TMEM132C: variants seen among roughly 807,000 people sequenced by gnomAD.
The protein encoded by TMEM132C is protein phosphatase 1, regulatory subunit 152.
Under a neutral mutation model 61.4 loss-of-function variants are expected in TMEM132C, and 29 were observed. That is an observed-to-expected ratio of 0.47 (90% CI 0.35 to 0.64). TMEM132C has a LOEUF of 0.64. TMEM132C is among the 30% of genes least tolerant of loss of function. The pLI is 0.00. For synonymous variants in TMEM132C, 656 were observed against 633.1 expected, an observed-to-expected ratio of 1.04 and a Z score of -0.54; for missense variants, 1,408 against 1,476.9, an observed-to-expected ratio of 0.95 and a Z score of 0.76.
At chr12:128,622,617 C>G (rs1490814534) in intron 4 of TMEM132C, among the ~76,000 whole-genome samples, 4 of 151,664 alleles carry the variant, frequency 2.6e-5, no homozygotes, top group Non-Finnish European at 5.9e-5. Flanking sequence ...TGCAGAGATG[C>G]TATCGGATCT....
At chr12:128,305,807 G>T (rs528950508) in intron 1 of TMEM132C, among the ~76,000 whole-genome samples, 1 of 152,130 alleles carries the variant, frequency 6.6e-6, no homozygotes, top group Non-Finnish European at 1.5e-5. Context: ...TTTGAAGATG[G>T]TGCTGATTGC....
At chr12:128,397,947 A>G (rs1190199984) in intron 1 of TMEM132C, among the ~76,000 whole-genome samples, 1 of 152,192 alleles carries the variant, frequency 6.6e-6, no homozygotes, top group Admixed American at 6.5e-5. Context: ...GGTACAGACA[A>G]GCCTCTTAGT....
intron 2 of TMEM132C, among the ~76,000 whole-genome samples, chr12:128,451,002 T>C (rs1323092710): frequency 1.3e-5 from 2 of 152,220 alleles, no homozygotes; most frequent in African/African-American, 4.8e-5. Context: ...AAAGCATGAA[T>C]ATTCATGATG....
intron 1 of TMEM132C, chr12:128,399,905 G>C (rs1162821452): frequency 6.6e-6 from 1 of 152,186 alleles, no homozygotes; most frequent in East Asian, 1.9e-4. Context: ...AACACAGAAA[G>C]AGTCATTTGT....
intron 1 of TMEM132C, among the ~76,000 whole-genome samples, chr12:128,365,107 T>C (rs1180842717): frequency 6.6e-6 from 1 of 152,120 alleles, no homozygotes; most frequent in Non-Finnish European, 1.5e-5. Flanking sequence ...CCAGGAGGGT[T>C]TGAATTGTGA....
At chr12:128,393,231 G>C (rs182681143) in intron 1 of TMEM132C, among the ~76,000 whole-genome samples, 36 of 152,256 alleles carry the variant, frequency 2.4e-4, no homozygotes, top group Non-Finnish European at 7.3e-5. Context: ...TGCCCCCCTT[G>C]CTCACTTGCA....
intron 1 of TMEM132C, among the ~76,000 whole-genome samples, chr12:128,379,030 T>C (rs1315064919): frequency 6.6e-6 from 1 of 152,226 alleles, no homozygotes; most frequent in Non-Finnish European, 1.5e-5. Flanking sequence ...CTCAGCCATA[T>C]GGAACTGTGA....
At chr12:128,325,755 C>G (rs1872489716) in intron 1 of TMEM132C, among the ~76,000 whole-genome samples, 1 of 152,116 alleles carries the variant, frequency 6.6e-6, no homozygotes, top group South Asian at 2.1e-4. Context: ...CTGGTGCTCC[C>G]CCAGTTGGAT....
intron 5 of TMEM132C, among the ~76,000 whole-genome samples, chr12:128,680,495 T>C (rs1053925526): frequency 6.6e-6 from 1 of 152,180 alleles, no homozygotes; most frequent in African/African-American, 2.4e-5. Flanking sequence ...ACTATTTAAA[T>C]TAGTTAGAAT....
intron 2 of TMEM132C, among the ~76,000 whole-genome samples, chr12:128,442,374 C>T (rs1048130337): frequency 6.6e-6 from 1 of 152,196 alleles, no homozygotes; most frequent in African/African-American, 2.4e-5. Context: ...AAACCTGGGG[C>T]CATGGCCCTC....
chr12:128,274,903 T>C (rs1287050530), intron 1 of TMEM132C, among the ~76,000 whole-genome samples: 4 of 151,894 alleles, frequency 2.6e-5, no homozygotes, highest in Non-Finnish European at 5.9e-5. Context: ...CTCTCAGGGA[T>C]GCACACAGAT....
intron 2 of TMEM132C, among the ~76,000 whole-genome samples, chr12:128,540,328 A>C (rs1593092327): frequency 6.6e-6 from 1 of 152,190 alleles, no homozygotes; most frequent in Non-Finnish European, 1.5e-5. Flanking sequence ...ATCTTGGCTC[A>C]CTGCAACCTC....
rs1472236121 is a variant in TMEM132C, at chr12:128,707,328, A to T, written c.*1033A>T. ...GTTGGGTTAAATCAAAAAAGAGGCC[A>T]CGCCCAGGTGTAATCAGAGCCAACC... On this transcript the variant is annotated 3_prime_UTR_variant, in exon 9 of 9. Transcript: ENST00000435159. The T allele has an allele frequency of 6.6e-6, 1 of 152,232 alleles. No individual in the cohort carries two copies. The highest frequency in any genetic ancestry group is 1.5e-5 in the Non-Finnish European group (1 of 68,038). 9.4% of individuals were successfully genotyped at this position (152,232 alleles called of 1,614,324 possible). A position where few individuals can be genotyped will look rare whatever the true frequency, so the allele number is the denominator to read the frequency against.
In TMEM132C at chr12:128,309,226, A is replaced by C. The variant is rs535717636; in HGVS notation, c.85+41739A>C. 3.0e-4 allele frequency among the ~76,000 whole-genome samples: 46 copies of C among 152,334 alleles called. 1 individual carries two copies. In the South Asian group the frequency reaches 9.3e-3, roughly 31 times the overall value. On this transcript the variant is annotated intron_variant, in intron 1 of 8. Transcript: ENST00000435159. ...GTTTCAGGAATGAGAAGCCAAAATA[A>C]AGCAGAAAGATTTAAATCTTGCTTT... is the stretch of plus-strand genomic sequence containing the variant.
chr12:128,698,303 G>T (rs906311528), intron 8 of TMEM132C, among the ~76,000 whole-genome samples: 4 of 152,176 alleles, frequency 2.6e-5, no homozygotes, highest in Non-Finnish European at 5.9e-5. Flanking sequence ...AGTTATCCAC[G>T]TAACACAGCC....
chr12:128,606,075 C>T (rs1876413622), intron 3 of TMEM132C, among the ~76,000 whole-genome samples: 1 of 152,232 alleles, frequency 6.6e-6, no homozygotes, highest in Non-Finnish European at 1.5e-5. Context: ...CACCAGGAGC[C>T]TGCTTGGGCT....
intron 1 of TMEM132C, among the ~76,000 whole-genome samples, chr12:128,390,830 T>C (rs996076056): frequency 2.6e-5 from 4 of 152,100 alleles, no homozygotes; most frequent in Non-Finnish European, 1.5e-5. Flanking sequence ...TCTGCACAGG[T>C]GGCCTGGACT....
intron 1 of TMEM132C, among the ~76,000 whole-genome samples, chr12:128,318,952 C>T (rs993658251): frequency 4.6e-5 from 7 of 152,176 alleles, no homozygotes; most frequent in Middle Eastern, 3.2e-3. Flanking sequence ...AAACACTTCC[C>T]CCCAGACCTT....
At chr12:128,413,048 C>T (rs1421205468) in intron 1 of TMEM132C, among the ~76,000 whole-genome samples, 1 of 152,054 alleles carries the variant, frequency 6.6e-6, no homozygotes, top group African/African-American at 2.4e-5. Context: ...TATGTAATCC[C>T]AGCACTTTGG....
Sources: allele counts gnomAD v4.1 joint callset (sites outside exome capture counted in the v4.1 genomes callset), GRCh38; gene constraint gnomAD v4.1.1; transcripts MANE v1.5; gene names NCBI Gene and HGNC (gene_info 2026-07-23, HGNC 2026-07-21).